MBD5: variants seen among roughly 807,000 people sequenced by gnomAD.
MBD5 encodes methyl-CpG-binding domain protein 5.
Under a neutral mutation model 117.3 loss-of-function variants are expected in MBD5, and 13 were observed. That is an observed-to-expected ratio of 0.11 (90% CI 0.07 to 0.18). The LOEUF is 0.18. Ranked by LOEUF, MBD5 falls within the 10% of genes least tolerant of loss-of-function variation. The probability of loss-of-function intolerance (pLI) is 1.00; values close to 1 mark genes in which losing one functional copy is unlikely to be tolerated. For missense variants in MBD5, 1,879 were observed against 2,093.8 expected (o/e 0.90, Z 2.00); for synonymous variants, 727 against 766.4 (o/e 0.95, Z 0.85).
At chr2:148,501,192 G>T (rs1226483965) in intron 11 of MBD5, among the ~76,000 whole-genome samples, 1 of 152,174 alleles carries the variant, frequency 6.6e-6, no homozygotes, top group Non-Finnish European at 1.5e-5. Context: ...AAAACTTCTT[G>T]TTAATCATAA....
intron 10 of MBD5, among the ~76,000 whole-genome samples, chr2:148,487,715 A>G (rs2063478650): frequency 6.6e-6 from 1 of 152,122 alleles, no homozygotes; most frequent in Non-Finnish European, 1.5e-5. Context: ...AGTATAGATT[A>G]AAGAAGTAGA....
At chr2:148,297,282 G>T (rs530131917) in intron 3 of MBD5, among the ~76,000 whole-genome samples, 2 of 152,228 alleles carry the variant, frequency 1.3e-5, no homozygotes, top group Admixed American at 6.5e-5. Context: ...TGTCATTGTT[G>T]TTGGCCTGTT....
chr2:148,168,951 G>A (rs1698193614), intron 1 of MBD5, among the ~76,000 whole-genome samples: 1 of 148,002 alleles, frequency 6.8e-6, no homozygotes, highest in Non-Finnish European at 1.5e-5. Context: ...ATATATACAC[G>A]TGTATATATA....
At chr2:148,068,499 T>C (rs2105057681) in intron 1 of MBD5, 1 of 152,334 alleles carries the variant, frequency 6.6e-6, no homozygotes, top group East Asian at 1.9e-4. Context: ...TGATTGGTTA[T>C]TTCACAGTGA....
In MBD5 at chr2:148,230,795, C is replaced by T. The variant is rs548580018; in HGVS notation, c.-830-2450C>T. Among the ~76,000 whole-genome samples the T allele has an allele frequency of 2.0e-5, 3 of 152,156 alleles. No individual in the cohort carries two copies. In the South Asian group the frequency reaches 6.2e-4, roughly 32 times the overall value. On this transcript the variant is annotated intron_variant, in intron 2 of 13. Coordinates refer to ENST00000642680, the MANE Select transcript of MBD5 (RefSeq NM_001378120.1). ...GCTGCCAGGACTGGGTTCTTCCGTT[C>T]AAGGCAGCAGGTTGCCTTGTTGCCC... is the stretch of plus-strand genomic sequence containing the variant.
chr2:148,404,690 C>T (rs1705025741), intron 4 of MBD5, among the ~76,000 whole-genome samples: 1 of 152,146 alleles, frequency 6.6e-6, no homozygotes, highest in African/African-American at 2.4e-5. Flanking sequence ...AGGGACTGCG[C>T]CTTCATTGCC....
At chr2:148,035,658 C>A (rs890021594) in intron 1 of MBD5, among the ~76,000 whole-genome samples, 1 of 152,216 alleles carries the variant, frequency 6.6e-6, no homozygotes, top group Admixed American at 6.5e-5. Context: ...CTTTCCTTGT[C>A]TTTGTTTCCT....
intron 3 of MBD5, among the ~76,000 whole-genome samples, chr2:148,304,132 G>A (rs548045990): frequency 6.6e-6 from 1 of 152,254 alleles, no homozygotes; most frequent in Non-Finnish European, 1.5e-5. Context: ...GAGAGTCAAT[G>A]TAAGTAGTAA....
intron 1 of MBD5, among the ~76,000 whole-genome samples, chr2:148,170,732 G>A (rs989171937): frequency 6.6e-6 from 1 of 152,078 alleles, no homozygotes; most frequent in Non-Finnish European, 1.5e-5. Context: ...AGTAGAAAGC[G>A]TATTTTCTTT....
chr2:148,151,562 A>T (rs1407297138), intron 1 of MBD5, among the ~76,000 whole-genome samples: 3 of 152,206 alleles, frequency 2.0e-5, no homozygotes, highest in African/African-American at 4.8e-5. Context: ...GCATGAATCC[A>T]TCTGGTCCTA....
chr2:148,038,102 C>G (rs192156987), intron 1 of MBD5, among the ~76,000 whole-genome samples: 1 of 151,916 alleles, frequency 6.6e-6, no homozygotes, highest in Non-Finnish European at 1.5e-5. Flanking sequence ...TCTGGTACCT[C>G]GGTCCCCTGC....
At chr2:148,395,479 C>T (rs1018370683) in intron 4 of MBD5, among the ~76,000 whole-genome samples, 3 of 139,956 alleles carry the variant, frequency 2.1e-5, no homozygotes, top group South Asian at 2.3e-4. Flanking sequence ...GGCTGGAGTG[C>T]GGTGGCGCAA....
intron 2 of MBD5, among the ~76,000 whole-genome samples, chr2:148,229,064 C>G (rs1047482138): frequency 1.3e-5 from 2 of 151,980 alleles, no homozygotes; most frequent in Non-Finnish European, 2.9e-5. Context: ...AAACCAGCTC[C>G]TGGATTCATT....
At chr2:148,227,192 C>T (rs1254349490) in intron 2 of MBD5, among the ~76,000 whole-genome samples, 1 of 152,152 alleles carries the variant, frequency 6.6e-6, no homozygotes, top group African/African-American at 2.4e-5. Context: ...CTTGCCCATG[C>T]CTATGTCCTG....
intron 2 of MBD5, among the ~76,000 whole-genome samples, chr2:148,223,327 G>A (rs1699738721): frequency 6.6e-6 from 1 of 151,970 alleles, no homozygotes; most frequent in Non-Finnish European, 1.5e-5. Context: ...GGAGTAGTTT[G>A]AGTAGTATTG....
intron 4 of MBD5, among the ~76,000 whole-genome samples, chr2:148,363,269 G>A (rs1227001381): frequency 6.6e-6 from 1 of 152,122 alleles, no homozygotes; most frequent in African/African-American, 2.4e-5. Context: ...GTCTCACTCT[G>A]TCACCCAGGC....
At chr2:148,215,206 A>G (rs1699522137) in intron 2 of MBD5, among the ~76,000 whole-genome samples, 1 of 152,112 alleles carries the variant, frequency 6.6e-6, no homozygotes, top group Non-Finnish European at 1.5e-5. Context: ...ATTCTTTCTT[A>G]CCACTACTCT....
chr2:148,028,451 A>C (rs2105568188), intron 1 of MBD5: 1 of 152,152 alleles, frequency 6.6e-6, no homozygotes, highest in African/African-American at 2.4e-5. Context: ...AGTGTTTTTT[A>C]AGATTGACTG....
chr2:148,483,145 G>A lies in MBD5; in HGVS notation c.2554G>A (p.Gly852Ser). 1.2e-6 allele frequency: 2 copies of A among 1,612,914 alleles called. No individual in the cohort carries two copies. The highest frequency in any genetic ancestry group is 1.7e-6 in the Non-Finnish European group (2 of 1,179,876). Reference sequence around the variant, plus strand: ...ACCATCATCCTCCATAGCCATAGCGGGCACCAACCACCCTGCCATCACAAA... The same window carrying A: ...ACCATCATCCTCCATAGCCATAGCGAGCACCAACCACCCTGCCATCACAAA... Reference protein sequence around the residue: ...SGPSSSIAIAGTNHPAITKTT... With the variant: ...SGPSSSIAIASTNHPAITKTT... Residue 852 changes from glycine to serine, a missense_variant, in exon 9 of 14, where the codon GGC becomes AGC. Transcript: ENST00000642680.
Sources: allele counts gnomAD v4.1 joint callset (sites outside exome capture counted in the v4.1 genomes callset), GRCh38; gene constraint gnomAD v4.1.1; transcripts MANE v1.5; gene names NCBI Gene and HGNC (gene_info 2026-07-23, HGNC 2026-07-21).